The following RSPH14 variants were observed in gnomAD, a reference collection of about 807,000 sequenced individuals.
RSPH14 encodes the protein radial spoke head 14 homolog, also known as rhabdoid tumor deletion region gene 1.
In RSPH14, 20 loss-of-function variants were observed where a neutral mutation model predicts 26.7. That is an observed-to-expected ratio of 0.75 (90% CI 0.53 to 1.09). The LOEUF (loss-of-function observed/expected upper bound fraction) is 1.09. RSPH14 is among the 50% of genes least tolerant of loss of function. The pLI is 0.00. For synonymous variants in RSPH14, 177 were observed against 189.3 expected (o/e 0.93, Z 0.53); for missense variants, 449 against 457.2 (o/e 0.98, Z 0.16).
At chr22:23,098,369 G>A (rs1242371625) in intron 4 of RSPH14, among the ~76,000 whole-genome samples, 4 of 152,248 alleles carry the variant, frequency 2.6e-5, no homozygotes. Flanking sequence ...TGATGTGTGA[G>A]TGAGCTCCTC....
chr22:23,123,210 C>G (rs2070080304), intron 4 of RSPH14: 1 of 1,614,124 alleles, frequency 6.2e-7, no homozygotes, highest in Admixed American at 1.7e-5. Flanking sequence ...CCGCCGCATC[C>G]CGCTCACCAT....
At chr22:23,061,571 G>A (rs1163365510) in intron 6 of RSPH14, among the ~76,000 whole-genome samples, 2 of 152,164 alleles carry the variant, frequency 1.3e-5, no homozygotes, top group Non-Finnish European at 2.9e-5. Context: ...CTGGTGCGAA[G>A]GCACAGAGGT....
the RSPH14 span, among the ~76,000 whole-genome samples, chr22:23,152,037 C>T: frequency 6.6e-6 from 1 of 152,328 alleles, no homozygotes; most frequent in Non-Finnish European, 1.5e-5. Flanking sequence ...AGGGGCTGCC[C>T]GTCCCTTTTG....
intron 4 of RSPH14, chr22:23,131,397 G>A (rs573929376): frequency 2.6e-4 from 64 of 242,200 alleles, no homozygotes; most frequent in African/African-American, 1.3e-3. Context: ...AAAGGCAGGA[G>A]GAAGAGTGCT....
chr22:23,126,300 CCATAGGCTG>C (rs954634926), intron 4 of RSPH14, among the ~76,000 whole-genome samples: 3 of 152,296 alleles, frequency 2.0e-5, no homozygotes, highest in African/African-American at 7.2e-5. Flanking sequence ...TCCAGTTCCC[CCATAGGCTG>C]CAGAGAAACC....
intron 4 of RSPH14, among the ~76,000 whole-genome samples, chr22:23,115,252 C>A (rs1490793479): frequency 1.3e-5 from 2 of 152,154 alleles, no homozygotes; most frequent in Admixed American, 6.5e-5. Flanking sequence ...GTCCGGGGGC[C>A]CCTCACCTGG....
At chr22:23,128,288 T>C (rs534200212) in intron 4 of RSPH14, among the ~76,000 whole-genome samples, 65 of 152,076 alleles carry the variant, frequency 4.3e-4, no homozygotes, top group Non-Finnish European at 6.5e-4. Flanking sequence ...TTAGCAGGAA[T>C]GATGGTCACC....
Position 23,140,489 on chromosome 22 carries a change from A to G in RSPH14, c.-52-17T>C. On this transcript the variant is annotated splice_polypyrimidine_tract_variant and intron_variant, in intron 1 of 6. Transcript: ENST00000216036. ...AACCACTCACTAAAAGAGACCAAAA[A>G]GCTGTCATTATTTCTATTATGATTT... The G allele has an allele frequency of 3.2e-6, 5 of 1,555,892 alleles. No individual in the cohort carries two copies. The highest frequency in any genetic ancestry group is 4.4e-6 in the Non-Finnish European group (5 of 1,147,924).
chr22:23,094,199 A>G (rs991132913), intron 4 of RSPH14, among the ~76,000 whole-genome samples: 1 of 152,110 alleles, frequency 6.6e-6, no homozygotes, highest in Non-Finnish European at 1.5e-5. Context: ...GTCTCCGGAC[A>G]GGGACATAGG....
rs775905793 is a variant in RSPH14 at position 23,064,131 on chromosome 22, C to T, written c.424G>A (p.Ala142Thr). 2 of 1,614,082 alleles carry T rather than the reference C, an allele frequency of 1.2e-6. No homozygotes were observed. Among genetic ancestry groups the T allele is most frequent in the Non-Finnish European group, 1.7e-6 (2 of 1,179,982 alleles). The change falls in exon 5 of 7, where the codon GCC becomes ACC. Residue 142 changes from alanine to threonine, a missense_variant and splice_region_variant. Physicochemically the swap from Ala to Thr is moderately conservative, Grantham distance 58. Coordinates refer to ENST00000216036, the MANE Select transcript of RSPH14 (RefSeq NM_014433.3). ...YMQLVQVPRG[A>T]QEIISKGLIS... Reference sequence around the variant, plus strand: ...AGACCTTTGCTGATGATCTCTTGGGCCCCTACAAGGCAGGAAAGGGCACTG... The same window carrying T: ...AGACCTTTGCTGATGATCTCTTGGGTCCCTACAAGGCAGGAAAGGGCACTG...
intron 4 of RSPH14, among the ~76,000 whole-genome samples, chr22:23,096,844 C>T (rs1041549020): frequency 6.6e-6 from 1 of 152,188 alleles, no homozygotes. Flanking sequence ...AGGGATAATC[C>T]CAGGTCCTGG....
At chr22:23,178,144 C>A in the RSPH14 span, among the ~76,000 whole-genome samples, 1 of 152,290 alleles carries the variant, frequency 6.6e-6, no homozygotes, top group Admixed American at 6.5e-5. Context: ...GGGCTGGGTG[C>A]AGTGGCTCAC....
upstream of RSPH14, chr22:23,144,892 G>A (rs573490090): frequency 3.8e-5 from 6 of 156,764 alleles, no homozygotes; most frequent in Admixed American, 3.2e-4. Context: ...AGGCCATCTA[G>A]CCCAAAACAG....
intron 4 of RSPH14, among the ~76,000 whole-genome samples, chr22:23,077,745 C>G (rs1199830312): frequency 1.3e-5 from 2 of 152,176 alleles, no homozygotes; most frequent in Non-Finnish European, 2.9e-5. Context: ...GCTGGGAAAA[C>G]CTTCCAAGCT....
upstream of RSPH14, among the ~76,000 whole-genome samples, chr22:23,143,231 C>G (rs2070629400): frequency 1.3e-5 from 2 of 151,572 alleles, no homozygotes; most frequent in South Asian, 4.2e-4. Context: ...TTTGAGGTTA[C>G]AGTGAGATAT....
At chr22:23,180,592 A>AGCGGCGG in the RSPH14 span, 11 of 182,246 alleles carry the variant, frequency 6.0e-5, no homozygotes, top group South Asian at 1.5e-4. Context: ...CGGCGGCGGC[A>AGCGGCGG]CGGCGGCGGC....
chr22:23,059,530 G>C lies in RSPH14; in HGVS notation c.979C>G (p.Pro327Ala). ...RAMEVETYEKPQVAEALQRAA... is the reference protein window; with the variant it reads ...RAMEVETYEKAQVAEALQRAA... The stretch of plus-strand genomic sequence containing the variant: ...CGCTGTAAGGCTTCGGCCACTTGAG[G>C]CTTTTCGTAAGTCTCCACCTCCATG... The change falls in exon 7 of 7, where the codon CCT (proline) becomes GCT (alanine). Residue 327 changes from proline to alanine, a missense_variant. Coordinates refer to ENST00000216036, the MANE Select transcript of RSPH14 (RefSeq NM_014433.3). 6.2e-7 allele frequency: 1 copy of C among 1,614,202 alleles called. No homozygotes were observed. Among genetic ancestry groups the C allele is most frequent in the Non-Finnish European group, 8.5e-7 (1 of 1,180,000 alleles).
chr22:23,094,820 A>T (rs998599606), intron 4 of RSPH14, among the ~76,000 whole-genome samples: 1 of 152,192 alleles, frequency 6.6e-6, no homozygotes, highest in African/African-American at 2.4e-5. Context: ...GGAGGCGCTC[A>T]GTTATCCCAG....
At chr22:23,145,840 G>A (rs1453461320), upstream of RSPH14, 11 of 388,310 alleles carry the variant, frequency 2.8e-5, no homozygotes, top group Non-Finnish European at 3.9e-5. Context: ...GGAGACAGAG[G>A]GGCTGTTGAG....
Sources: gnomAD v4.1 joint callset for allele counts (sites outside exome capture counted in the v4.1 genomes callset) on GRCh38, gnomAD v4.1.1 for gene constraint, MANE v1.5 for transcripts, NCBI Gene and HGNC (gene_info 2026-07-23, HGNC 2026-07-21) for gene names.